Variants in LYPD6 observed in about 807,000 individuals in gnomAD.
LYPD6 encodes LY6/PLAUR domain containing 6.
A neutral mutation model predicts 22.7 loss-of-function variants in LYPD6; 15 were observed. That is an observed-to-expected ratio of 0.66 (90% CI 0.44 to 1.02). LYPD6 has a LOEUF of 1.02. Ranked by LOEUF, LYPD6 falls within the 50% of genes least tolerant of loss-of-function variation. LYPD6 has a pLI of 0.00. For synonymous variants in LYPD6, 72 were observed against 77.5 expected (o/e 0.93, Z 0.37); for missense variants, 189 against 208.4 (o/e 0.91, Z 0.57).
intron 1 of LYPD6, among the ~76,000 whole-genome samples, chr2:149,375,375 A>G (rs1681894154): frequency 6.6e-6 from 1 of 152,000 alleles, no homozygotes; most frequent in South Asian, 2.1e-4. Context: ...CTTGAGTGAG[A>G]GGTTTCTTTT....
chr2:149,478,399 T>TGTGTGTGTGTGTGTGTGC (rs1491190671), downstream of LYPD6, among the ~76,000 whole-genome samples: 11 of 149,980 alleles, frequency 7.3e-5, no homozygotes, highest in African/African-American at 1.2e-4. Context: ...TGTGTGTGTG[T>TGTGTGTGTGTGTGTGTGC]GCGCGCACGC....
chr2:149,419,914 G>T (rs981916506), intron 1 of LYPD6, among the ~76,000 whole-genome samples: 1 of 152,116 alleles, frequency 6.6e-6, no homozygotes, highest in Non-Finnish European at 1.5e-5. Context: ...TACAGAAATT[G>T]TATGGTTTTG....
intron 2 of LYPD6, among the ~76,000 whole-genome samples, chr2:149,439,095 C>T (rs1460726566): frequency 6.6e-6 from 1 of 152,140 alleles, no homozygotes; most frequent in Non-Finnish European, 1.5e-5. Flanking sequence ...TATACCACAC[C>T]AGGCAATCAA....
At chr2:149,449,644 A>C (rs1018631002) in intron 3 of LYPD6, among the ~76,000 whole-genome samples, 1 of 152,210 alleles carries the variant, frequency 6.6e-6, no homozygotes, top group African/African-American at 2.4e-5. Flanking sequence ...GAAGGATGAG[A>C]TGAACACTGA....
intron 1 of LYPD6, among the ~76,000 whole-genome samples, chr2:149,400,858 G>T (rs1236577117): frequency 6.6e-6 from 1 of 152,110 alleles, no homozygotes; most frequent in Admixed American, 6.6e-5. Context: ...CACTCCGGGG[G>T]CTTAACTAAA....
At chr2:149,341,101 G>A (rs1681152068) in intron 1 of LYPD6, among the ~76,000 whole-genome samples, 1 of 152,086 alleles carries the variant, frequency 6.6e-6, no homozygotes, top group East Asian at 1.9e-4. Flanking sequence ...GAAGTACATG[G>A]TTTTTCTTTT....
At chr2:149,445,515 G>A (rs371283542) in intron 2 of LYPD6, among the ~76,000 whole-genome samples, 4 of 152,162 alleles carry the variant, frequency 2.6e-5, no homozygotes, top group Non-Finnish European at 4.4e-5. Flanking sequence ...TTCAGTGATC[G>A]TAACTAGATT....
chr2:149,435,031 C>T (rs1385829884), intron 1 of LYPD6, among the ~76,000 whole-genome samples: 1 of 152,092 alleles, frequency 6.6e-6, no homozygotes, highest in Non-Finnish European at 1.5e-5. Context: ...GGAGATTGAG[C>T]CTTTAAGGAG....
intron 1 of LYPD6, among the ~76,000 whole-genome samples, chr2:149,433,979 T>G (rs115877861): frequency 0.012 from 1,828 of 152,274 alleles, 44 homozygotes; most frequent in African/African-American, 0.042. Context: ...TTTATTATTA[T>G]TATTATACTT....
chr2:149,386,993 C>T (rs1682202329), intron 1 of LYPD6, among the ~76,000 whole-genome samples: 1 of 152,168 alleles, frequency 6.6e-6, no homozygotes, highest in Admixed American at 6.5e-5. Flanking sequence ...GTCCCCACCC[C>T]CAACATGACC....
At chr2:149,415,931 C>T (rs1220710927) in intron 1 of LYPD6, among the ~76,000 whole-genome samples, 2 of 152,136 alleles carry the variant, frequency 1.3e-5, no homozygotes, top group Non-Finnish European at 2.9e-5. Flanking sequence ...ATCTGCCCAC[C>T]TTGGTCTCTC....
At chr2:149,437,280 A>G (rs1161275996) in intron 1 of LYPD6, among the ~76,000 whole-genome samples, 2 of 152,120 alleles carry the variant, frequency 1.3e-5, no homozygotes, top group African/African-American at 4.8e-5. Flanking sequence ...CACCATTCTC[A>G]GGGAAATGCT....
intron 3 of LYPD6, among the ~76,000 whole-genome samples, chr2:149,458,908 G>A (rs1039326725): frequency 2.6e-5 from 4 of 152,124 alleles, no homozygotes; most frequent in African/African-American, 4.8e-5. Flanking sequence ...TAGAAAATAG[G>A]CTGAGGGGAA....
the LYPD6 span, among the ~76,000 whole-genome samples, chr2:149,479,540 G>A: frequency 1.3e-5 from 2 of 152,178 alleles, no homozygotes; most frequent in African/African-American, 2.4e-5. Context: ...ACCTCGTCTA[G>A]TGTCCCCATC....
At chr2:149,430,633 A>G (rs1683292559) in intron 1 of LYPD6, among the ~76,000 whole-genome samples, 1 of 152,182 alleles carries the variant, frequency 6.6e-6, no homozygotes, top group African/African-American at 2.4e-5. Context: ...CTGCTCTTGT[A>G]TTAGGCATTT....
At chr2:149,410,764 T>C (rs1380288775) in intron 1 of LYPD6, among the ~76,000 whole-genome samples, 2 of 152,212 alleles carry the variant, frequency 1.3e-5, no homozygotes, top group African/African-American at 2.4e-5. Context: ...TAAATCTGTA[T>C]TATGAGCTCT....
intron 1 of LYPD6, among the ~76,000 whole-genome samples, chr2:149,369,561 A>G (rs1681759218): frequency 6.6e-6 from 1 of 152,150 alleles, no homozygotes; most frequent in Non-Finnish European, 1.5e-5. Context: ...AATGTGGCTA[A>G]TGAGGGCCCA....
At chr2:149,465,918 A>G (rs1272738494) in intron 3 of LYPD6, among the ~76,000 whole-genome samples, 8 of 152,212 alleles carry the variant, frequency 5.3e-5, no homozygotes, top group African/African-American at 1.9e-4. Context: ...ATGAGATTTT[A>G]GAGACAGAAA....
intron 1 of LYPD6, among the ~76,000 whole-genome samples, chr2:149,377,752 C>T (rs1457435065): frequency 6.6e-6 from 1 of 151,474 alleles, no homozygotes; most frequent in East Asian, 2.0e-4. Flanking sequence ...TGCACTCCAG[C>T]CTGGACGACA....
Sources: gnomAD v4.1 joint callset for allele counts (sites outside exome capture counted in the v4.1 genomes callset) on GRCh38, gnomAD v4.1.1 for gene constraint, MANE v1.5 for transcripts, NCBI Gene and HGNC (gene_info 2026-07-23, HGNC 2026-07-21) for gene names.